The following NRF1 variants were observed in gnomAD, a reference collection of about 807,000 sequenced individuals.
The protein encoded by NRF1 is alpha palindromic-binding protein.
NRF1 carries 5 observed loss-of-function variants against 58.5 expected under a neutral mutation model. The ratio of observed to expected loss-of-function variants is 0.09; its 90% CI spans 0.04 to 0.18. The LOEUF (loss-of-function observed/expected upper bound fraction) is 0.18, where lower values mean the gene tolerates loss of function less well. Ranked by LOEUF, NRF1 falls within the 10% of genes least tolerant of loss-of-function variation. The probability of loss-of-function intolerance (pLI) is 1.00; values close to 1 mark genes in which losing one functional copy is unlikely to be tolerated. For missense variants in NRF1, 288 were observed against 657.7 expected (o/e 0.44, Z 6.15); for synonymous variants, 224 against 246.7 (o/e 0.91, Z 0.86).
At position 129,735,086 on chromosome 7, in the gene NRF1, T is replaced by A. The variant is rs1052762873; in HGVS notation, c.1348+7721T>A. On this transcript the variant is annotated intron_variant, in intron 10 of 10. Transcript: ENST00000393232. ...ACTTGGCTCTGCCTACAGCCCTTGC[T>A]TGGGGTCCCCCAGAGATTTTGAAGA... is the stretch of plus-strand genomic sequence containing the variant. The A allele has an allele frequency of 2.1e-5, 21 of 985,338 alleles. No individual in the cohort carries two copies. In the African/African-American group the frequency reaches 3.3e-4, roughly 16 times the overall value. The allele number at this position is 985,338 out of a possible 1,614,324, so 61.0% of individuals were successfully genotyped here.
chr7:129,684,295 C>T (rs546493116), intron 4 of NRF1, among the ~76,000 whole-genome samples: 7 of 152,190 alleles, frequency 4.6e-5, no homozygotes, highest in Non-Finnish European at 1.0e-4. Flanking sequence ...AAAACTAATA[C>T]GTAGCTTTAG....
rs1801613753 is a variant in NRF1, at chr7:129,654,756, AT to A, written c.-6-2589del. 3.9e-5 allele frequency among the ~76,000 whole-genome samples: 6 copies of A among 152,324 alleles called. No individual in the cohort carries two copies. In the South Asian group the frequency reaches 1.2e-3, roughly 32 times the overall value. ...TATTGCCTTTGCTCCTTTCTCAGAG[AT>A]CAGCTGGCTCTATTTATGTGGGTCT... On this transcript the variant is annotated intron_variant, in intron 1 of 10. Coordinates refer to ENST00000393232, the MANE Select transcript of NRF1 (RefSeq NM_005011.5).
chr7:129,613,490 G>A (rs1390589027), intron 1 of NRF1, among the ~76,000 whole-genome samples: 3 of 151,942 alleles, frequency 2.0e-5, no homozygotes, highest in Non-Finnish European at 2.9e-5. Flanking sequence ...TTCTTAACTT[G>A]GATCCTAAAT....
At chr7:129,619,415 T>TAC (rs1800726371) in intron 1 of NRF1, among the ~76,000 whole-genome samples, 1 of 96,644 alleles carries the variant, frequency 1.0e-5, no homozygotes, top group African/African-American at 5.7e-5. Context: ...TATATATATA[T>TAC]ATATATATAT....
intron 1 of NRF1, among the ~76,000 whole-genome samples, chr7:129,634,201 T>G (rs1050572981): frequency 1.6e-4 from 25 of 152,096 alleles, no homozygotes; most frequent in Non-Finnish European, 5.9e-5. Flanking sequence ...TGTGGTAGAT[T>G]TGTTACAGTT....
chr7:129,642,935 ATT>A (rs1301656373), intron 1 of NRF1, among the ~76,000 whole-genome samples: 1 of 151,628 alleles, frequency 6.6e-6, no homozygotes, highest in Non-Finnish European at 1.5e-5. Context: ...TGGTTTTTGT[ATT>A]TTTAGTAGAG....
chr7:129,671,515 C>T lies in NRF1; in HGVS notation c.310C>T (p.Arg104Trp). ...TGTATTTGAGTCTAATCCATCTATCCGGAAGAGGCAACAAACACGTTTGCT... is the reference window on the plus strand; with the variant it reads ...TGTATTTGAGTCTAATCCATCTATCTGGAAGAGGCAACAAACACGTTTGCT... ...PHVFESNPSI[R>W]KRQQTRLLRK... The change falls in exon 3 of 11, where the codon CGG (arginine) becomes TGG (tryptophan). Residue 104 changes from arginine (R) to tryptophan (W), a missense_variant. By Grantham distance (101) the Arg-to-Trp change is moderately radical. Around this residue, in one of 3 missense-constraint regions of NRF1, gnomAD observed 212 missense variants for 559.7 expected, o/e 0.38. Transcript: ENST00000393232. 1 of 1,611,426 alleles carries T rather than the reference C, an allele frequency of 6.2e-7. No homozygotes were observed. Among genetic ancestry groups the T allele is most frequent in the Non-Finnish European group, 8.5e-7 (1 of 1,177,532 alleles).
chr7:129,682,238 TG>T (rs1465894133), intron 4 of NRF1, among the ~76,000 whole-genome samples: 19 of 152,110 alleles, frequency 1.2e-4, no homozygotes, highest in Admixed American at 5.2e-4. Context: ...GTGGGAGGAT[TG>T]GTTGAGGCCA....
chr7:129,747,571 A>C (rs10244241), intron 10 of NRF1, among the ~76,000 whole-genome samples: 45,330 of 152,082 alleles, frequency 0.3, 6,825 homozygotes, highest in Admixed American at 0.38. Flanking sequence ...ACTATGTGCC[A>C]AGCACTGTAA....
rs2116336040 is a variant in NRF1, at chr7:129,755,279, G to A, written c.*98G>A. 1 of 1,129,374 alleles carries A rather than the reference G, an allele frequency of 8.9e-7. No individual in the cohort carries two copies. Among genetic ancestry groups the A allele is most frequent in the Non-Finnish European group, 1.2e-6 (1 of 857,952 alleles). 70.0% of individuals were successfully genotyped at this position (1,129,374 alleles called of 1,614,324 possible). A position where few individuals can be genotyped will look rare whatever the true frequency, so the allele number is the denominator to read the frequency against. ...AATGGAATTAAGTCTCTCGACTTTG[G>A]AAGGAAAGTTTTGTTAACCTTTTTT... On this transcript the variant is annotated 3_prime_UTR_variant, in exon 11 of 11. Coordinates refer to ENST00000393232, the MANE Select transcript of NRF1 (RefSeq NM_005011.5). The surrounding 1 kb of genome is among the most constrained non-coding windows in gnomAD (Gnocchi z 5.8).
intron 8 of NRF1, among the ~76,000 whole-genome samples, chr7:129,715,962 G>A (rs1054485677): frequency 4.6e-5 from 7 of 150,870 alleles, no homozygotes; most frequent in South Asian, 2.1e-4. Context: ...CCGAGATCGC[G>A]CCACTGCACT....
intron 2 of NRF1, among the ~76,000 whole-genome samples, 191 bp from the exon 3 acceptor site, chr7:129,671,238 G>A (rs899673039): frequency 2.6e-5 from 4 of 152,274 alleles, no homozygotes; most frequent in Admixed American, 2.6e-4. Flanking sequence ...TTCATTGTAT[G>A]TTTTATTGGT....
chr7:129,642,110 C>G (rs1211233609), intron 1 of NRF1, among the ~76,000 whole-genome samples: 1 of 151,898 alleles, frequency 6.6e-6, no homozygotes, highest in Non-Finnish European at 1.5e-5. Context: ...TCCCTAGTAG[C>G]TGGGATTACA....
At chr7:129,668,134 A>G (rs1801963580) in intron 2 of NRF1, among the ~76,000 whole-genome samples, 1 of 152,160 alleles carries the variant, frequency 6.6e-6, no homozygotes, top group Non-Finnish European at 1.5e-5. Context: ...GTAAGGATCT[A>G]ATTTCATTAT....
intron 1 of NRF1, among the ~76,000 whole-genome samples, chr7:129,649,287 A>G (rs759095606): frequency 5.3e-5 from 8 of 152,184 alleles, no homozygotes; most frequent in Non-Finnish European, 1.2e-4. Context: ...CAAGAATGTA[A>G]GTTGAGCCAG....
At chr7:129,707,453 C>T (rs913264925) in intron 5 of NRF1, among the ~76,000 whole-genome samples, 23 of 152,058 alleles carry the variant, frequency 1.5e-4, no homozygotes, top group African/African-American at 5.1e-4. Flanking sequence ...TAATCTATAC[C>T]TCTGAGAAAG....
chr7:129,619,708 G>A (rs1301407303), intron 1 of NRF1, among the ~76,000 whole-genome samples: 2 of 144,084 alleles, frequency 1.4e-5, no homozygotes, highest in African/African-American at 5.2e-5. Context: ...TGACAAGGCT[G>A]CCTAAAAATC....
Position 129,673,840 on chromosome 7 carries a change from T to A in NRF1, c.338+2297T>A, listed in dbSNP as rs577102182. The stretch of plus-strand genomic sequence containing the variant: ...AACTTAAAGTAAAATTAAAAAAAAA[T>A]TTTTTTAAGCTGTTTTTGGCTGGGC... On this transcript the variant is annotated intron_variant, in intron 3 of 10. Coordinates refer to ENST00000393232, the MANE Select transcript of NRF1 (RefSeq NM_005011.5). 1.6e-3 allele frequency among the ~76,000 whole-genome samples: 235 copies of A among 150,980 alleles called. 1 individual carries two copies. Among genetic ancestry groups the A allele is most frequent in the South Asian group, 7.5e-3 (36 of 4,792 alleles).
chr7:129,755,031 C>A lies in NRF1; in HGVS notation c.1362C>A (p.Ile454=). The A allele has an allele frequency of 6.2e-7, 1 of 1,611,092 alleles. No homozygotes were observed. Residue 454 remains isoleucine, a synonymous_variant, in exon 11 of 11, where the codon ATC becomes ATA. Transcript: ENST00000393232. This position sits in a 1 kb window ranked among gnomAD's most constrained non-coding sequence, Gnocchi z 5.8. The stretch of plus-strand genomic sequence containing the variant: ...TTGTCTCTCCAGGCCTGGTCCAGAT[C>A]CCTGTGAGCATGTACCAGACTGTGG... ...GVQDANGLVQ[I]PVSMYQTVVT...
Sources: allele counts gnomAD v4.1 joint callset (sites outside exome capture counted in the v4.1 genomes callset), GRCh38; gene constraint gnomAD v4.1.1; regional missense constraint gnomAD v4.1.1; non-coding constraint Gnocchi (gnomAD v3.1); transcripts MANE v1.5; gene names NCBI Gene and HGNC (gene_info 2026-07-23, HGNC 2026-07-21).